CCT4: variants seen among roughly 807,000 people sequenced by gnomAD.
The protein encoded by CCT4 is T-complex protein 1 subunit delta.
In CCT4, 17 loss-of-function variants were observed where a neutral mutation model predicts 62.5. The observed-to-expected ratio is 0.27, with a 90% CI of 0.19 to 0.41. CCT4 has a LOEUF of 0.41. Among genes scored for constraint, CCT4 ranks in the 10% least tolerant of loss-of-function variants. The pLI is 1.00. For missense variants in CCT4, 592 were observed against 659.2 expected (o/e 0.90, Z 1.12); for synonymous variants, 250 against 229.9 (o/e 1.09, Z -0.79).
chr2:61,884,890 T>C, intron 2 of CCT4, 130 bp downstream of exon 2: 1 of 713,122 alleles, frequency 1.4e-6, no homozygotes. Context: ...CCTCCCAAAG[T>C]GCTGGGATTA....
intron 3 of CCT4, among the ~76,000 whole-genome samples, chr2:61,882,809 C>CTT (rs35514799): frequency 4.8e-5 from 7 of 146,386 alleles, no homozygotes; most frequent in African/African-American, 7.5e-5. Flanking sequence ...CTGTGCCCAG[C>CTT]TTTTTTTTTT....
chr2:61,879,423 G>A lies in CCT4; in HGVS notation c.380-412C>T, dbSNP rs1021915326. 1.4e-4 allele frequency among the ~76,000 whole-genome samples: 20 copies of A among 146,594 alleles called. No homozygotes were observed. In the South Asian group the frequency reaches 4.2e-3, roughly 31 times the overall value. ...ACTACAGACACACGCCACCACACCC[G>A]GCTAATTTTTTTTGTATTTTTTTTT... is the stretch of plus-strand genomic sequence containing the variant. On this transcript the variant is annotated intron_variant, in intron 4 of 13. Transcript: ENST00000394440.
rs1352926990 is a variant in CCT4, at chr2:61,876,155, A to G, written c.857T>C (p.Leu286Ser). 1.2e-6 allele frequency: 2 copies of G among 1,607,278 alleles called. No individual in the cohort carries two copies. The highest frequency in any genetic ancestry group is 1.7e-6 in the Non-Finnish European group (2 of 1,174,088). The change falls in exon 8 of 14, where the codon TTA (leucine) becomes TCA (serine). Residue 286 changes from leucine to serine, a missense_variant. Transcript: ENST00000394440. The part of the protein sequence containing the change: ...LREERAYILN[L>S]VKQIKKTGCN... ...TCCTGTTTTTTTAATTTGCTTCACT[A>G]AATTTAAAATATAGGCTCTCTCTTC...
intron 8 of CCT4, among the ~76,000 whole-genome samples, chr2:61,873,600 TG>T (rs1668932244): frequency 6.6e-6 from 1 of 152,098 alleles, no homozygotes. Flanking sequence ...ATTTCGCTCT[TG>T]TTGCCCAGGC....
intron 5 of CCT4, among the ~76,000 whole-genome samples, chr2:61,877,943 T>C (rs1260782981): frequency 6.6e-6 from 1 of 152,240 alleles, no homozygotes; most frequent in Non-Finnish European, 1.5e-5. Context: ...CTTAGAACTT[T>C]ACATATTAAC....
At chr2:61,874,275 T>C (rs566525335) in intron 8 of CCT4, among the ~76,000 whole-genome samples, 1 of 152,066 alleles carries the variant, frequency 6.6e-6, no homozygotes, top group Non-Finnish European at 1.5e-5. Flanking sequence ...AAAATGAACA[T>C]CCACAGTACA....
At chr2:61,880,458 C>G (rs1669088777) in intron 3 of CCT4, 64 bp from the exon 4 acceptor site, 6 of 810,998 alleles carry the variant, frequency 7.4e-6, no homozygotes, top group Admixed American at 2.3e-5. Context: ...ACACCTAATT[C>G]AAATAATCGC....
intron 8 of CCT4, among the ~76,000 whole-genome samples, chr2:61,874,779 C>T (rs1468861631): frequency 6.6e-6 from 1 of 152,116 alleles, no homozygotes; most frequent in Non-Finnish European, 1.5e-5. Flanking sequence ...AATTCTGCAA[C>T]ATGGCTTTTA....
chr2:61,884,983 T>G (rs1266369258), intron 2 of CCT4, 37 bp downstream of exon 2: 1 of 1,508,232 alleles, frequency 6.6e-7, no homozygotes. Context: ...TGAACAGCAG[T>G]GCTCAATTAG....
At chr2:61,873,509 A>T (rs555910646) in intron 8 of CCT4, among the ~76,000 whole-genome samples, 1 of 152,162 alleles carries the variant, frequency 6.6e-6, no homozygotes, top group Non-Finnish European at 1.5e-5. Flanking sequence ...TCTGTCCCCA[A>T]TGACACTATA....
rs916501254 is a variant in CCT4, at chr2:61,868,194, GGAT to G, written c.*495_*497del. On this transcript the variant is annotated 3_prime_UTR_variant, in exon 14 of 14. Coordinates refer to ENST00000394440, the MANE Select transcript of CCT4 (RefSeq NM_006430.4). ...TCATTATTACTGGGAAAAGGAATTA[GGAT>G]GATAGGATAAAAGGAGGCTTTCATT... 22 of 153,662 alleles carry G rather than the reference GGAT, an allele frequency of 1.4e-4. No homozygotes were observed. Among genetic ancestry groups the G allele is most frequent in the Non-Finnish European group, 2.5e-4 (17 of 69,050 alleles). The allele number at this position is 153,662 out of a possible 1,614,324, so 9.5% of individuals were successfully genotyped here. A position where few individuals can be genotyped will look rare whatever the true frequency, so the allele number is the denominator to read the frequency against.
At chr2:61,887,140 C>A (rs897449224) in intron 1 of CCT4, among the ~76,000 whole-genome samples, 4 of 152,194 alleles carry the variant, frequency 2.6e-5, no homozygotes, top group East Asian at 3.8e-4. Context: ...ATCCTACAAA[C>A]CTTCGTTTCC....
At chr2:61,872,623 G>A in intron 10 of CCT4, 35 bp from the exon 11 acceptor site, 1 of 1,610,960 alleles carries the variant, frequency 6.2e-7, no homozygotes, top group Non-Finnish European at 8.5e-7. Flanking sequence ...AGTATTTGAA[G>A]GGTCAAAAAA....
At position 61,888,594 on chromosome 2, in the gene CCT4, C is replaced by G; in HGVS notation, c.-87G>C. The G allele has an allele frequency of 6.9e-7, 1 of 1,456,176 alleles. No homozygotes were observed. The highest frequency in any genetic ancestry group is 9.2e-7 in the Non-Finnish European group (1 of 1,086,850). The allele number at this position is 1,456,176 out of a possible 1,614,324, so 90.2% of individuals were successfully genotyped here. On this transcript the variant is annotated 5_prime_UTR_variant, in exon 1 of 14. Coordinates refer to ENST00000394440, the MANE Select transcript of CCT4 (RefSeq NM_006430.4). ...CCGCAGTGTAATAACGGTAAGCCCTCACTGCCTTCACGAACCTTCCAGAAA... is the reference window on the plus strand; with the variant it reads ...CCGCAGTGTAATAACGGTAAGCCCTGACTGCCTTCACGAACCTTCCAGAAA...
chr2:61,882,440 AC>A (rs1366835227), intron 3 of CCT4, among the ~76,000 whole-genome samples: 1 of 152,122 alleles, frequency 6.6e-6, no homozygotes, highest in Non-Finnish European at 1.5e-5. Flanking sequence ...TATGCACCAT[AC>A]CCTAATAAGA....
At chr2:61,871,943 T>G (rs1250308334) in intron 12 of CCT4, 139 bp downstream of exon 12, 3 of 610,106 alleles carry the variant, frequency 4.9e-6, no homozygotes, top group Admixed American at 3.1e-5. Flanking sequence ...TGGCATAGAT[T>G]AATTAACATG....
In CCT4 at chr2:61,888,624, C is replaced by G; in HGVS notation, c.-117G>C. The G allele has an allele frequency of 4.7e-6, 6 of 1,281,524 alleles. No homozygotes were observed. Among genetic ancestry groups the G allele is most frequent in the Non-Finnish European group, 6.3e-6 (6 of 959,598 alleles). The allele number at this position is 1,281,524 out of a possible 1,614,324, so 79.4% of individuals were successfully genotyped here. A position where few individuals can be genotyped will look rare whatever the true frequency, so the allele number is the denominator to read the frequency against. ...CCTTCACGAACCTTCCAGAAAGCGG[C>G]GCCGGCGTCGGGAGGAGGCGGAGGC... is the stretch of plus-strand genomic sequence containing the variant. On this transcript the variant is annotated 5_prime_UTR_variant, in exon 1 of 14. Transcript: ENST00000394440.
chr2:61,883,716 C>G (rs902372385), intron 2 of CCT4, among the ~76,000 whole-genome samples, 168 bp from the exon 3 acceptor site: 2 of 150,162 alleles, frequency 1.3e-5, no homozygotes, highest in African/African-American at 4.9e-5. Context: ...AACAGTCCAA[C>G]TTTACAAAAG....
intron 1 of CCT4, chr2:61,888,141 G>T: frequency 1.9e-6 from 1 of 531,824 alleles, no homozygotes; most frequent in Admixed American, 3.6e-5. Context: ...CACAGTGCAG[G>T]ATGAAAAACT....
Sources: gnomAD v4.1 joint callset for allele counts (sites outside exome capture counted in the v4.1 genomes callset) on GRCh38, gnomAD v4.1.1 for gene constraint, MANE v1.5 for transcripts, NCBI Gene and HGNC (gene_info 2026-07-23, HGNC 2026-07-21) for gene names.